The following ZNF676 variants were observed in gnomAD, a reference collection of about 807,000 sequenced individuals.
ZNF676 encodes zinc finger protein 676.
A neutral mutation model predicts 6.0 loss-of-function variants in ZNF676; 4 were observed. The ratio of observed to expected loss-of-function variants is 0.67; its 90% confidence interval spans 0.33 to 1.53. The LOEUF (loss-of-function observed/expected upper bound fraction) is 1.53. Ranked by LOEUF, ZNF676 falls within the 40% of genes most tolerant of loss-of-function variation. ZNF676 has a pLI of 0.06. For missense variants in ZNF676, 644 were observed against 679.7 expected, an observed-to-expected ratio of 0.95 and a Z score of 0.58; for synonymous variants, 198 against 223.1, an observed-to-expected ratio of 0.89 and a Z score of 1.00.
At chr19:22,255,271 G>T in the ZNF676 span, among the ~76,000 whole-genome samples, 1 of 152,060 alleles carries the variant, frequency 6.6e-6, no homozygotes, top group Admixed American at 6.5e-5. Context: ...CCTCAAAATT[G>T]GCTGGGTTCA....
the ZNF676 span, among the ~76,000 whole-genome samples, chr19:22,240,928 C>A: frequency 3.7e-4 from 56 of 151,988 alleles, no homozygotes; most frequent in Admixed American, 6.5e-4. Context: ...CATAATGTCC[C>A]CTGTAGGAAA....
chr19:22,240,692 CTG>C, the ZNF676 span, among the ~76,000 whole-genome samples: 2 of 152,044 alleles, frequency 1.3e-5, no homozygotes, highest in East Asian at 3.9e-4. Context: ...ACTCAGGAGA[CTG>C]AGACAGAAGA....
chr19:22,250,079 G>T, the ZNF676 span, among the ~76,000 whole-genome samples: 1 of 151,904 alleles, frequency 6.6e-6, no homozygotes, highest in Admixed American at 6.6e-5. Flanking sequence ...ATACTAGGGA[G>T]GCTGAGGCAG....
At chr19:22,191,762 G>A (rs1237107844) in intron 2 of ZNF676, among the ~76,000 whole-genome samples, 4 of 152,184 alleles carry the variant, frequency 2.6e-5, no homozygotes, top group African/African-American at 9.6e-5. Context: ...CTAGTGCAGA[G>A]CCAGCAGCCT....
In ZNF676 at chr19:22,181,371, C is replaced by G. The variant is rs2023747863; in HGVS notation, c.346G>C (p.Gly116Arg). Residue 116 changes from glycine to arginine, a missense_variant, in exon 3 of 3, where the codon GGC becomes CGC. This residue lies in a region of ZNF676 where 280 missense variants were observed against 269.3 expected (regional missense o/e 1.04). Transcript: ENST00000397121. ...TTATGAAAGACGTTTGCATATTTGC[C>G]ACATTGAAATACTTTGCTCTGTGTA... Reference protein sequence around the residue: ...TTTQSKVFQCGKYANVFHKCS... With the variant: ...TTTQSKVFQCRKYANVFHKCS... The G allele has an allele frequency of 1.2e-6, 2 of 1,613,490 alleles. No individual in the cohort carries two copies. The highest frequency in any genetic ancestry group is 1.7e-6 in the Non-Finnish European group (2 of 1,179,744).
chr19:22,241,197 C>T, the ZNF676 span, among the ~76,000 whole-genome samples: 1 of 152,042 alleles, frequency 6.6e-6, no homozygotes, highest in South Asian at 2.1e-4. Flanking sequence ...TGGGCAGAAG[C>T]ATACATCAGA....
At chr19:22,256,619 G>A in the ZNF676 span, among the ~76,000 whole-genome samples, 54 of 152,236 alleles carry the variant, frequency 3.5e-4, no homozygotes, top group African/African-American at 1.3e-3. Context: ...CTGTGAGCAG[G>A]ACGCATGCAT....
rs149728949 is a variant in ZNF676 at position 22,185,989 on chromosome 19, T to C, written c.131-4403A>G. Among the ~76,000 whole-genome samples, 1,138 of 152,200 alleles carry C rather than the reference T, an allele frequency of 7.5e-3. 13 individuals are homozygous for C. Among genetic ancestry groups the C allele is most frequent in the African/African-American group, 0.026 (1,072 of 41,524 alleles). On this transcript the variant is annotated intron_variant, in intron 2 of 2. Transcript: ENST00000397121. ...ATCATCCAGGAGAATGTCCCCAACATAGCACGACAGGCCAACATTCAAATT... is the reference window on the plus strand; with the variant it reads ...ATCATCCAGGAGAATGTCCCCAACACAGCACGACAGGCCAACATTCAAATT...
At chr19:22,182,585 TAA>T (rs67699215) in intron 2 of ZNF676, among the ~76,000 whole-genome samples, 18 of 45,040 alleles carry the variant, frequency 4.0e-4, no homozygotes, top group Admixed American at 1.2e-3. Context: ...GTCAAAGTTC[TAA>T]AAAAAAAAAA....
At chr19:22,259,639 A>G in the ZNF676 span, 1 of 152,148 alleles carries the variant, frequency 6.6e-6, no homozygotes, top group Non-Finnish European at 1.5e-5. Flanking sequence ...ATGGGCAAAG[A>G]GCTGGCATAA....
chr19:22,236,343 GT>G, the ZNF676 span, among the ~76,000 whole-genome samples: 1 of 152,200 alleles, frequency 6.6e-6, no homozygotes, highest in African/African-American at 2.4e-5. Context: ...TCAACTGTAA[GT>G]TGGACCTGAG....
Position 22,179,616 on chromosome 19 carries a change from T to C in ZNF676, c.*334A>G. 3 of 517,090 alleles carry C rather than the reference T, an allele frequency of 5.8e-6. No homozygotes were observed. The South Asian group carries it at 5.8e-5, about 10-fold the overall frequency. 32.0% of individuals were successfully genotyped at this position (517,090 alleles called of 1,614,324 possible). A position where few individuals can be genotyped will look rare whatever the true frequency, so the allele number is the denominator to read the frequency against. ...AGCTTTGCCACGTTTTTCACATTTG[T>C]AGGGCTTTTCCTCCAGTATGAATTC... On this transcript the variant is annotated 3_prime_UTR_variant, in exon 3 of 3. Transcript: ENST00000397121.
upstream of ZNF676, among the ~76,000 whole-genome samples, chr19:22,219,951 A>G (rs888054813): frequency 6.6e-6 from 1 of 152,134 alleles, no homozygotes; most frequent in African/African-American, 2.4e-5. Context: ...CACCACGCCC[A>G]GCCTGTCATA....
the ZNF676 span, among the ~76,000 whole-genome samples, chr19:22,253,004 G>A: frequency 0.23 from 35,135 of 152,000 alleles, 4,309 homozygotes; most frequent in South Asian, 0.37. Flanking sequence ...GTTGGGTATA[G>A]GTGTATAACC....
chr19:22,235,104 TCAGGAAGG>T, the ZNF676 span, among the ~76,000 whole-genome samples: 31 of 96,660 alleles, frequency 3.2e-4, 1 homozygote, highest in African/African-American at 7.0e-4. Flanking sequence ...AAGAAGGAAG[TCAGGAAGG>T]CAGGAAGGCA....
upstream of ZNF676, among the ~76,000 whole-genome samples, chr19:22,199,099 T>C (rs2023999678): frequency 6.6e-6 from 1 of 152,138 alleles, no homozygotes; most frequent in South Asian, 2.1e-4. Flanking sequence ...CCTGGGCTGA[T>C]AACCCCTTAA....
At chr19:22,241,177 G>A in the ZNF676 span, among the ~76,000 whole-genome samples, 2 of 151,898 alleles carry the variant, frequency 1.3e-5, no homozygotes, top group Non-Finnish European at 2.9e-5. Context: ...AAGTCAAAGC[G>A]CTCAGATTCT....
At chr19:22,212,186 C>T (rs1260218721) in intron 1 of ZNF676, among the ~76,000 whole-genome samples, 32 of 114,656 alleles carry the variant, frequency 2.8e-4, no homozygotes, top group African/African-American at 1.1e-3. Flanking sequence ...GGTGACAGAG[C>T]GAGATTCTGT....
At chr19:22,187,606 AATAG>A (rs1452549619) in intron 2 of ZNF676, among the ~76,000 whole-genome samples, 2 of 152,094 alleles carry the variant, frequency 1.3e-5, no homozygotes, top group Admixed American at 6.6e-5. Context: ...AGATCAACAA[AATAG>A]ATAGACTGCT....
Sources: gnomAD v4.1 joint callset for allele counts (sites outside exome capture counted in the v4.1 genomes callset) on GRCh38, gnomAD v4.1.1 for gene constraint, gnomAD v4.1.1 regional missense constraint, MANE v1.5 for transcripts, NCBI Gene and HGNC (gene_info 2026-07-23, HGNC 2026-07-21) for gene names.